Variants in ZFAND3 observed in about 807,000 individuals in gnomAD.
ZFAND3 encodes zinc finger AN1-type containing 3.
ZFAND3 carries 10 observed loss-of-function variants against 29.6 expected under a neutral mutation model. The observed-to-expected ratio is 0.34, with a 90% CI of 0.21 to 0.57. The LOEUF (loss-of-function observed/expected upper bound fraction) is 0.57. ZFAND3 is among the 20% of genes least tolerant of loss of function. The pLI, the probability that ZFAND3 is intolerant of heterozygous loss-of-function variation, is 0.86. For missense variants in ZFAND3, 230 were observed against 304.5 expected, an observed-to-expected ratio of 0.76 and a Z score of 1.82; for synonymous variants, 128 against 112.6, an observed-to-expected ratio of 1.14 and a Z score of -0.87.
At chr6:38,076,514 C>A (rs541142459) in intron 3 of ZFAND3, among the ~76,000 whole-genome samples, 2 of 152,062 alleles carry the variant, frequency 1.3e-5, no homozygotes, top group Non-Finnish European at 2.9e-5. Flanking sequence ...CAACTTTTGA[C>A]CCACTTTGAA....
At chr6:37,867,576 G>T (rs7749716) in intron 1 of ZFAND3, among the ~76,000 whole-genome samples, 2 of 151,880 alleles carry the variant, frequency 1.3e-5, no homozygotes, top group Non-Finnish European at 2.9e-5. Flanking sequence ...CCTTAATGTG[G>T]GTTTAAAAAT....
At chr6:37,960,458 A>G (rs569182442) in intron 2 of ZFAND3, among the ~76,000 whole-genome samples, 2 of 152,332 alleles carry the variant, frequency 1.3e-5, no homozygotes, top group South Asian at 4.1e-4. Flanking sequence ...AATGGGGAGT[A>G]CCATCAGTGA....
At chr6:37,961,220 T>G (rs1762189847) in intron 2 of ZFAND3, among the ~76,000 whole-genome samples, 1 of 152,144 alleles carries the variant, frequency 6.6e-6, no homozygotes, top group African/African-American at 2.4e-5. Flanking sequence ...TGGGCAGTAC[T>G]CCCTGTGGGC....
intron 4 of ZFAND3, among the ~76,000 whole-genome samples, chr6:38,094,737 A>G (rs1157124380): frequency 1.3e-5 from 2 of 152,130 alleles, no homozygotes; most frequent in East Asian, 1.9e-4. Flanking sequence ...CTTATTCATC[A>G]TATCTTCGGT....
At chr6:37,900,768 G>A (rs1765305498) in intron 1 of ZFAND3, among the ~76,000 whole-genome samples, 1 of 151,934 alleles carries the variant, frequency 6.6e-6, no homozygotes, top group African/African-American at 2.4e-5. Flanking sequence ...GAATCGGGTG[G>A]GGCAAGAATA....
intron 5 of ZFAND3, among the ~76,000 whole-genome samples, chr6:38,126,524 G>T (rs549277589): frequency 1.7e-4 from 26 of 152,222 alleles, no homozygotes; most frequent in African/African-American, 6.0e-4. Context: ...AATGCATTAG[G>T]GTTCCAGTTT....
chr6:37,893,062 C>T (rs918295240), intron 1 of ZFAND3, among the ~76,000 whole-genome samples: 2 of 152,034 alleles, frequency 1.3e-5, no homozygotes, highest in African/African-American at 4.8e-5. Flanking sequence ...CACACGCATG[C>T]ACACACACAC....
At chr6:37,913,115 G>A (rs906719886) in intron 1 of ZFAND3, among the ~76,000 whole-genome samples, 1 of 152,180 alleles carries the variant, frequency 6.6e-6, no homozygotes, top group African/African-American at 2.4e-5. Context: ...GATCAAGGTG[G>A]TGGTTGCTGA....
intron 2 of ZFAND3, among the ~76,000 whole-genome samples, chr6:37,964,280 C>T (rs552919231): frequency 6.6e-6 from 1 of 152,264 alleles, no homozygotes; most frequent in South Asian, 2.1e-4. Flanking sequence ...ACATGACTAC[C>T]CTACCATGCT....
intron 1 of ZFAND3, among the ~76,000 whole-genome samples, chr6:37,824,263 T>G (rs1486865731): frequency 6.6e-6 from 1 of 152,232 alleles, no homozygotes; most frequent in Non-Finnish European, 1.5e-5. Flanking sequence ...TTTCTTTAGA[T>G]GAAATATACA....
intron 4 of ZFAND3, among the ~76,000 whole-genome samples, chr6:38,111,369 A>G (rs975663868): frequency 6.6e-6 from 1 of 152,230 alleles, no homozygotes; most frequent in Non-Finnish European, 1.5e-5. Flanking sequence ...TATAACAACT[A>G]TTTACATAGT....
intron 2 of ZFAND3, among the ~76,000 whole-genome samples, chr6:38,025,254 T>C (rs1763425720): frequency 1.3e-5 from 2 of 152,346 alleles, no homozygotes; most frequent in African/African-American, 4.8e-5. Context: ...TTAAGGGACA[T>C]TACTCAGGAG....
chr6:37,951,359 G>A (rs1157711977), intron 2 of ZFAND3, among the ~76,000 whole-genome samples: 2 of 152,128 alleles, frequency 1.3e-5, no homozygotes, highest in African/African-American at 4.8e-5. Context: ...TTGGGAGGCC[G>A]AGACAGGCGA....
chr6:38,122,655 A>G (rs1765558122), intron 5 of ZFAND3, among the ~76,000 whole-genome samples: 1 of 152,146 alleles, frequency 6.6e-6, no homozygotes, highest in South Asian at 2.1e-4. Flanking sequence ...CCACTTCTCC[A>G]AGGACCCCCA....
At chr6:37,854,277 A>G (rs1321390367) in intron 1 of ZFAND3, among the ~76,000 whole-genome samples, 1 of 152,108 alleles carries the variant, frequency 6.6e-6, no homozygotes, top group African/African-American at 2.4e-5. Context: ...GGACTAACCC[A>G]CTCTAGGTCT....
chr6:38,109,536 G>A (rs1309699530), intron 4 of ZFAND3, among the ~76,000 whole-genome samples: 1 of 151,940 alleles, frequency 6.6e-6, no homozygotes, highest in African/African-American at 2.4e-5. Context: ...TTCCCCCATG[G>A]CCCATTAGCT....
chr6:37,929,742 A>G (rs1346468564), intron 1 of ZFAND3, among the ~76,000 whole-genome samples: 1 of 151,208 alleles, frequency 6.6e-6, no homozygotes, highest in Admixed American at 6.6e-5. Context: ...ATAAAAATAA[A>G]AACCAAGTGT....
At chr6:38,005,321 C>G (rs566766240) in intron 2 of ZFAND3, among the ~76,000 whole-genome samples, 1 of 152,174 alleles carries the variant, frequency 6.6e-6, no homozygotes, top group Non-Finnish European at 1.5e-5. Flanking sequence ...GTTTTAATAT[C>G]TTTACCAAAG....
intron 2 of ZFAND3, among the ~76,000 whole-genome samples, chr6:37,985,566 G>C (rs541487307): frequency 2.5e-4 from 38 of 151,848 alleles, no homozygotes; most frequent in Non-Finnish European, 4.3e-4. Context: ...TGTGGTTCCA[G>C]CTACTCAGGA....
Sources: allele counts gnomAD v4.1 joint callset (sites outside exome capture counted in the v4.1 genomes callset), GRCh38; gene constraint gnomAD v4.1.1; transcripts MANE v1.5; gene names NCBI Gene and HGNC (gene_info 2026-07-23, HGNC 2026-07-21).